GRHL2: variants seen among roughly 807,000 people sequenced by gnomAD.
GRHL2 encodes grainyhead like transcription factor 2.
A neutral mutation model predicts 83.8 loss-of-function variants in GRHL2; 21 were observed. The observed-to-expected ratio is 0.25, with a 90% CI of 0.18 to 0.36. The LOEUF (loss-of-function observed/expected upper bound fraction) is 0.36, where lower values mean the gene tolerates loss of function less well. Among genes scored for constraint, GRHL2 ranks in the 10% least tolerant of loss-of-function variants. The probability of loss-of-function intolerance (pLI) is 1.00; values close to 1 mark genes in which losing one functional copy is unlikely to be tolerated. For synonymous variants in GRHL2, 280 were observed against 278.9 expected (o/e 1.00, Z -0.04); for missense variants, 623 against 781.8 (o/e 0.80, Z 2.42).
chr8:101,561,582 C>T (rs1034090741), intron 4 of GRHL2, among the ~76,000 whole-genome samples: 2 of 152,178 alleles, frequency 1.3e-5, no homozygotes, highest in Non-Finnish European at 2.9e-5. Context: ...CACTGTCATA[C>T]AAATTGTTAG....
At chr8:101,678,602 C>T in the GRHL2 span, among the ~76,000 whole-genome samples, 6 of 151,468 alleles carry the variant, frequency 4.0e-5, no homozygotes, top group East Asian at 1.2e-3. Context: ...GGCCTGCCTG[C>T]CTCTGTAGGC....
chr8:101,516,646 A>G (rs1810578618), intron 1 of GRHL2, among the ~76,000 whole-genome samples: 1 of 152,132 alleles, frequency 6.6e-6, no homozygotes, highest in Non-Finnish European at 1.5e-5. Context: ...AGCTCAGGCA[A>G]TCCTCCTGTC....
intron 4 of GRHL2, chr8:101,562,045 AT>A: frequency 2.6e-6 from 2 of 768,474 alleles, no homozygotes; most frequent in South Asian, 1.3e-5. Context: ...CTGTTGTACC[AT>A]TTTCTCTTCC....
At chr8:101,609,255 A>G (rs1206571182) in intron 8 of GRHL2, among the ~76,000 whole-genome samples, 1 of 150,638 alleles carries the variant, frequency 6.6e-6, no homozygotes, top group Admixed American at 6.6e-5. Flanking sequence ...GAGGGCCACC[A>G]AAGTCCAATG....
intron 2 of GRHL2, among the ~76,000 whole-genome samples, chr8:101,550,648 C>T (rs1015539084): frequency 6.6e-6 from 1 of 152,130 alleles, no homozygotes; most frequent in African/African-American, 2.4e-5. Context: ...ATTAAGTGTC[C>T]AGTTCTGTGG....
In GRHL2 at chr8:101,649,514, C is replaced by A; in HGVS notation, c.1698+15C>A. ...TGATGGAAGCGGTAAGCCATATACTCCTTTCAGCCTCCAGGAAACCTGCTG... is the reference window on the plus strand; with the variant it reads ...TGATGGAAGCGGTAAGCCATATACTACTTTCAGCCTCCAGGAAACCTGCTG... On this transcript the variant is annotated intron_variant, in intron 14 of 15. Coordinates refer to ENST00000646743, the MANE Select transcript of GRHL2 (RefSeq NM_024915.4). 3 of 1,595,150 alleles carry A rather than the reference C, an allele frequency of 1.9e-6. No individual in the cohort carries two copies. The highest frequency in any genetic ancestry group is 2.6e-6 in the Non-Finnish European group (3 of 1,163,174).
chr8:101,527,141 C>A (rs1452292647), intron 1 of GRHL2, among the ~76,000 whole-genome samples: 1 of 152,136 alleles, frequency 6.6e-6, no homozygotes, highest in Non-Finnish European at 1.5e-5. Context: ...AACTCATAAA[C>A]CCTTGAAAGT....
intron 8 of GRHL2, among the ~76,000 whole-genome samples, chr8:101,604,107 T>C (rs1343913850): frequency 6.6e-6 from 1 of 151,342 alleles, no homozygotes; most frequent in Non-Finnish European, 1.5e-5. Context: ...TAGATTAAGA[T>C]CCCATCCATA....
At chr8:101,593,629 A>G (rs1252725430) in intron 7 of GRHL2, among the ~76,000 whole-genome samples, 1 of 152,146 alleles carries the variant, frequency 6.6e-6, no homozygotes, top group Non-Finnish European at 1.5e-5. Flanking sequence ...CTCAAAAATG[A>G]TATGTCCTCG....
chr8:101,502,041 TTTG>T (rs1810240194), intron 1 of GRHL2, among the ~76,000 whole-genome samples: 1 of 152,204 alleles, frequency 6.6e-6, no homozygotes, highest in Non-Finnish European at 1.5e-5. Flanking sequence ...ATCATTGTTT[TTTG>T]GTTCTCAGTT....
chr8:101,625,733 C>CA (rs1333747676), intron 9 of GRHL2, among the ~76,000 whole-genome samples: 1 of 151,932 alleles, frequency 6.6e-6, no homozygotes, highest in Non-Finnish European at 1.5e-5. Context: ...GTGGCATTTC[C>CA]AATAGCTCCT....
chr8:101,590,175 G>A (rs1812250721), intron 7 of GRHL2, among the ~76,000 whole-genome samples: 3 of 152,102 alleles, frequency 2.0e-5, no homozygotes, highest in African/African-American at 7.2e-5. Flanking sequence ...CTAAAAATCA[G>A]CTCTAGTGTT....
chr8:101,625,546 AAG>A (rs1252110964), intron 9 of GRHL2, among the ~76,000 whole-genome samples: 3 of 151,994 alleles, frequency 2.0e-5, no homozygotes, highest in Admixed American at 6.6e-5. Context: ...GAGGGCGAAA[AAG>A]AGGATTATAT....
chr8:101,524,983 C>A (rs1203816561), intron 1 of GRHL2, among the ~76,000 whole-genome samples: 1 of 151,404 alleles, frequency 6.6e-6, no homozygotes, highest in Non-Finnish European at 1.5e-5. Flanking sequence ...GCTCTTGTTG[C>A]CCAGGCTGGA....
At position 101,543,334 on chromosome 8, in the gene GRHL2, A is replaced by G; in HGVS notation, c.114A>G (p.Ser38=). 8 of 1,614,186 alleles carry G rather than the reference A, an allele frequency of 5.0e-6. No homozygotes were observed. The highest frequency in any genetic ancestry group is 6.8e-6 in the Non-Finnish European group (8 of 1,179,998). ...CCAGTGAGGATGAAGCCTGGAAGTC[A>G]TACTTGGAGAATCCCCTGACAGCAG... ...AYTSEDEAWK[S]YLENPLTAAT... Residue 38 remains serine, a synonymous_variant, in exon 2 of 16, where the codon TCA becomes TCG. Coordinates refer to ENST00000646743, the MANE Select transcript of GRHL2 (RefSeq NM_024915.4).
chr8:101,583,984 G>T (rs1365710069), intron 7 of GRHL2, among the ~76,000 whole-genome samples: 3 of 152,142 alleles, frequency 2.0e-5, no homozygotes, highest in African/African-American at 4.8e-5. Flanking sequence ...TTTCAGAACG[G>T]GCAGTACAGG....
intron 7 of GRHL2, among the ~76,000 whole-genome samples, chr8:101,586,594 C>T (rs1251892345): frequency 6.6e-6 from 1 of 152,234 alleles, no homozygotes. Context: ...TTTATTCATT[C>T]ATTCATTTAT....
Position 101,644,140 on chromosome 8 carries a change from C to G in GRHL2, c.1527C>G (p.Val509=), listed in dbSNP as rs1355636668. 2 of 1,614,028 alleles carry G rather than the reference C, an allele frequency of 1.2e-6. No homozygotes were observed. Among genetic ancestry groups the G allele is most frequent in the African/African-American group, 1.3e-5 (1 of 75,068 alleles). The stretch of plus-strand genomic sequence containing the variant: ...TGCTTATCTTTTCTAGTGGCAGTGT[C>G]CTTGTTAAACGGATGTTCCGGCCCA... ...NTDDEREGGS[V]LVKRMFRPME... The change falls in exon 13 of 16, where the codon GTC becomes GTG. Residue 509 remains valine (V), a synonymous_variant. Transcript: ENST00000646743.
rs1353619843 is a variant in GRHL2, at chr8:101,652,497, GGT to G, written c.1698+3010_1698+3011del. On this transcript the variant is annotated intron_variant, in intron 14 of 15. Coordinates refer to ENST00000646743, the MANE Select transcript of GRHL2 (RefSeq NM_024915.4). ...GTGTGTGGTATGTGTGTATGTGTGT[GGT>G]GTGTGTGTGTGGTGTGTGTGTGGTG... Among the ~76,000 whole-genome samples the G allele has an allele frequency of 1.3e-3, 45 of 35,890 alleles. 2 individuals carry two copies. Among genetic ancestry groups the G allele is most frequent in the African/African-American group, 2.0e-3 (6 of 2,962 alleles). The allele number at this position is 35,890 out of a possible 152,430, so 23.5% of individuals were successfully genotyped here.
Sources: allele counts gnomAD v4.1 joint callset (sites outside exome capture counted in the v4.1 genomes callset), GRCh38; gene constraint gnomAD v4.1.1; transcripts MANE v1.5; gene names NCBI Gene and HGNC (gene_info 2026-07-23, HGNC 2026-07-21).